The following TIAM2 variants were observed in gnomAD, a reference collection of about 807,000 sequenced individuals.
TIAM2 encodes rho guanine nucleotide exchange factor TIAM2.
A neutral mutation model predicts 152.9 loss-of-function variants in TIAM2; 80 were observed. The ratio of observed to expected loss-of-function variants is 0.52; its 90% CI spans 0.44 to 0.63. The LOEUF is 0.63. TIAM2 is among the 30% of genes least tolerant of loss of function. The pLI is 0.00. For missense variants in TIAM2, 1,965 were observed against 2,120.1 expected (o/e 0.93, Z 1.44); for synonymous variants, 804 against 838.0 (o/e 0.96, Z 0.70).
rs113667851 is a variant in TIAM2 at position 155,187,549 on chromosome 6, AC to A, written c.3064+4056del. Among the ~76,000 whole-genome samples, 404 of 97,818 alleles carry A rather than the reference AC, an allele frequency of 4.1e-3. 2 individuals carry two copies. The highest frequency in any genetic ancestry group is 0.011 in the African/African-American group (276 of 25,356). 64.2% of individuals were successfully genotyped at this position (97,818 alleles called of 152,430 possible). A position where few individuals can be genotyped will look rare whatever the true frequency, so the allele number is the denominator to read the frequency against. ...CCTGCAAGAGGCTTGGGGCAGTGCA[AC>A]CCCCCCTCCCCCACCCCGCCCCCTT... is the stretch of plus-strand genomic sequence containing the variant. On this transcript the variant is annotated intron_variant, in intron 14 of 26. Coordinates refer to ENST00000682666, the MANE Select transcript of TIAM2 (RefSeq NM_012454.4).
At chr6:155,002,589 C>G (rs1462423545) in intron 1 of TIAM2, among the ~76,000 whole-genome samples, 1 of 152,072 alleles carries the variant, frequency 6.6e-6, no homozygotes, top group African/African-American at 2.4e-5. Context: ...TTCTTAGGTA[C>G]TTGTGTCTAT....
At chr6:155,128,100 A>G (rs1779338764) in intron 3 of TIAM2, among the ~76,000 whole-genome samples, 1 of 152,122 alleles carries the variant, frequency 6.6e-6, no homozygotes, top group African/African-American at 2.4e-5. Flanking sequence ...CTTAACTAAT[A>G]GACTCCTTGA....
chr6:155,136,427 G>T (rs1015168857), intron 4 of TIAM2, among the ~76,000 whole-genome samples: 1 of 151,392 alleles, frequency 6.6e-6, no homozygotes, highest in Non-Finnish European at 1.5e-5. Context: ...GGTGCTCACC[G>T]CCAGGCCTGG....
chr6:155,125,804 C>G (rs535146105), intron 2 of TIAM2, among the ~76,000 whole-genome samples: 67 of 151,888 alleles, frequency 4.4e-4, no homozygotes, highest in African/African-American at 1.4e-3. Context: ...TGCCACTGCA[C>G]TCCAGCCTGG....
At chr6:155,098,725 T>C (rs1375959535) in intron 2 of TIAM2, among the ~76,000 whole-genome samples, 6 of 152,240 alleles carry the variant, frequency 3.9e-5, no homozygotes, top group African/African-American at 1.4e-4. Flanking sequence ...TTTCCAGTAC[T>C]ATGTTGAATA....
intron 9 of TIAM2, among the ~76,000 whole-genome samples, chr6:155,172,655 TATATATATATATATATATATA>T (rs1780618898): frequency 2.4e-4 from 3 of 12,388 alleles, no homozygotes; most frequent in African/African-American, 5.0e-4. Flanking sequence ...TATATATATA[TATATATATATATATATATATA>T]TATATATATA....
chr6:155,026,211 A>T (rs1170056011), intron 1 of TIAM2, among the ~76,000 whole-genome samples: 1 of 152,178 alleles, frequency 6.6e-6, no homozygotes, highest in Non-Finnish European at 1.5e-5. Context: ...ATATTTTAAG[A>T]CCTGGGTAAG....
At chr6:155,052,684 T>C (rs1301006594) in intron 1 of TIAM2, among the ~76,000 whole-genome samples, 1 of 150,856 alleles carries the variant, frequency 6.6e-6, no homozygotes, top group Admixed American at 6.6e-5. Context: ...GAGAATCGCT[T>C]GAACCCAGGA....
At chr6:155,020,952 G>A (rs916203456) in intron 1 of TIAM2, among the ~76,000 whole-genome samples, 9 of 152,028 alleles carry the variant, frequency 5.9e-5, no homozygotes, top group Non-Finnish European at 4.4e-5. Flanking sequence ...ACTGTTCTAG[G>A]CACCTCATAT....
At chr6:155,148,455 C>A in intron 7 of TIAM2, 121 bp downstream of exon 7, 2 of 970,520 alleles carry the variant, frequency 2.1e-6, no homozygotes, top group Non-Finnish European at 3.0e-6. Flanking sequence ...TTCTTACACC[C>A]TGGGGGAAAT....
intron 1 of TIAM2, among the ~76,000 whole-genome samples, chr6:155,039,456 A>G (rs1039695896): frequency 6.6e-6 from 1 of 151,948 alleles, no homozygotes; most frequent in Non-Finnish European, 1.5e-5. Flanking sequence ...GCTGATGGCC[A>G]TGGTGGGGAG....
At chr6:155,254,081 T>G (rs370739370) in intron 25 of TIAM2, 21 bp downstream of exon 25, 66 of 1,604,138 alleles carry the variant, frequency 4.1e-5, no homozygotes, top group Admixed American at 2.7e-4. Context: ...CTTCCAAAGA[T>G]TAAAACCAAC....
At chr6:155,076,424 A>G (rs935083533) in intron 1 of TIAM2, among the ~76,000 whole-genome samples, 1 of 152,186 alleles carries the variant, frequency 6.6e-6, no homozygotes, top group Non-Finnish European at 1.5e-5. Flanking sequence ...TGCTAATTCC[A>G]TGCCGAAGTA....
At chr6:155,012,311 C>T (rs1289811162) in intron 1 of TIAM2, among the ~76,000 whole-genome samples, 1 of 152,166 alleles carries the variant, frequency 6.6e-6, no homozygotes, top group African/African-American at 2.4e-5. Flanking sequence ...GTCCACAGAG[C>T]AGGAAGGGAA....
chr6:155,211,657 C>CT (rs11314912), intron 15 of TIAM2, among the ~76,000 whole-genome samples: 18 of 146,752 alleles, frequency 1.2e-4, no homozygotes, highest in East Asian at 3.9e-4. Context: ...TTCTTTCTTA[C>CT]TTTTTTTTTT....
At chr6:155,252,210 C>T (rs1394307000) in intron 23 of TIAM2, among the ~76,000 whole-genome samples, 1 of 152,114 alleles carries the variant, frequency 6.6e-6, no homozygotes, top group African/African-American at 2.4e-5. Flanking sequence ...CAGCTGGGCA[C>T]GGTGGCTCAT....
At chr6:154,997,248 T>C (rs55728180) in intron 1 of TIAM2, among the ~76,000 whole-genome samples, 9,486 of 152,296 alleles carry the variant, frequency 0.062, 884 homozygotes, top group African/African-American at 0.2. Flanking sequence ...ATACCTTCTC[T>C]AGGAAGCTTT....
At chr6:155,063,128 T>C (rs923586378) in intron 1 of TIAM2, among the ~76,000 whole-genome samples, 3 of 152,194 alleles carry the variant, frequency 2.0e-5, no homozygotes, top group African/African-American at 7.2e-5. Flanking sequence ...TGTCATTTTT[T>C]TTTTAAGAAA....
intron 22 of TIAM2, among the ~76,000 whole-genome samples, chr6:155,251,506 C>T (rs1004720936): frequency 6.6e-6 from 1 of 152,108 alleles, no homozygotes; most frequent in East Asian, 1.9e-4. Flanking sequence ...AGACTGGTCT[C>T]GAACTCCTGA....
Sources: gnomAD v4.1 joint callset for allele counts (sites outside exome capture counted in the v4.1 genomes callset) on GRCh38, gnomAD v4.1.1 for gene constraint, MANE v1.5 for transcripts, NCBI Gene and HGNC (gene_info 2026-07-23, HGNC 2026-07-21) for gene names.